The following TIPARP variants were observed in gnomAD, a reference collection of about 807,000 sequenced individuals.
TIPARP encodes the protein protein mono-ADP-ribosyltransferase TIPARP.
Under a neutral mutation model 56.5 loss-of-function variants are expected in TIPARP, and 12 were observed. The ratio of observed to expected loss-of-function variants is 0.21; its 90% confidence interval spans 0.14 to 0.34. The LOEUF (loss-of-function observed/expected upper bound fraction) is 0.34. Ranked by LOEUF, TIPARP falls within the 10% of genes least tolerant of loss-of-function variation. The pLI, the probability that TIPARP is intolerant of heterozygous loss-of-function variation, is 1.00. For missense variants in TIPARP, 604 were observed against 781.6 expected (o/e 0.77, Z 2.71); for synonymous variants, 296 against 265.7 (o/e 1.11, Z -1.11).
intron 2 of TIPARP, among the ~76,000 whole-genome samples, chr3:156,682,958 A>T (rs1577035325): frequency 6.6e-6 from 1 of 152,198 alleles, no homozygotes; most frequent in Non-Finnish European, 1.5e-5. Context: ...AATAAAACTA[A>T]TTGGCTTCTG....
Position 156,694,115 on chromosome 3 carries a change from A to G in TIPARP, c.1013A>G (p.Asn338Ser), listed in dbSNP as rs148252230. Residue 338 changes from asparagine to serine, a missense_variant, in exon 3 of 6, where the codon AAT becomes AGT. Physicochemically the swap from Asn to Ser is conservative, Grantham distance 46. This residue lies in a region of TIPARP where 252 missense variants were observed against 303.9 expected (regional missense o/e 0.83). Transcript: ENST00000295924. ...LRRLSTPPSSNVNSIYHTVWK... is the reference protein window; with the variant it reads ...LRRLSTPPSSSVNSIYHTVWK... ...AGGCTGTCCACACCACCCTCTAGCA[A>G]TGTCAACTCTATTTACCACACAGTC... 2.0e-5 allele frequency: 32 copies of G among 1,613,484 alleles called. No individual in the cohort carries two copies. In the African/African-American group the frequency reaches 3.1e-4, roughly 15 times the overall value.
At position 156,705,222 on chromosome 3, in the gene TIPARP, T is replaced by C. The variant is rs1722952119; in HGVS notation, c.*91T>C. 4.9e-6 allele frequency: 4 copies of C among 820,594 alleles called. No individual in the cohort carries two copies. The South Asian group carries it at 6.8e-5, about 14-fold the overall frequency. 50.8% of individuals were successfully genotyped at this position (820,594 alleles called of 1,614,324 possible). A position where few individuals can be genotyped will look rare whatever the true frequency, so the allele number is the denominator to read the frequency against. ...GGGTGGGACTGGGTGGGGAACAGCA[T>C]TGGACATTAATAGGGCACTTTTCAG... On this transcript the variant is annotated 3_prime_UTR_variant, in exon 6 of 6. Coordinates refer to ENST00000295924, the MANE Select transcript of TIPARP (RefSeq NM_015508.5).
At chr3:156,683,098 T>A (rs967410921) in intron 2 of TIPARP, among the ~76,000 whole-genome samples, 1 of 152,200 alleles carries the variant, frequency 6.6e-6, no homozygotes, top group Admixed American at 6.5e-5. Context: ...AGCTGCCACC[T>A]GGCTTCAGGT....
intron 2 of TIPARP, among the ~76,000 whole-genome samples, chr3:156,681,903 G>A (rs562416406): frequency 1.3e-3 from 191 of 151,660 alleles, no homozygotes; most frequent in Non-Finnish European, 2.2e-3. Flanking sequence ...CAAATATACA[G>A]TTGAGAAACA....
intron 2 of TIPARP, among the ~76,000 whole-genome samples, chr3:156,682,796 A>G (rs1213039648): frequency 6.6e-6 from 1 of 152,212 alleles, no homozygotes. Context: ...ATGAGTTTAA[A>G]TTTATTTTAA....
chr3:156,699,388 A>G (rs912846438), intron 4 of TIPARP, among the ~76,000 whole-genome samples: 4 of 152,208 alleles, frequency 2.6e-5, no homozygotes, highest in Admixed American at 2.0e-4. Context: ...TGCCACCTCA[A>G]CCTTCAGCAA....
chr3:156,696,996 G>A lies in TIPARP; in HGVS notation c.1247+971G>A, dbSNP rs7615443. The stretch of plus-strand genomic sequence containing the variant: ...TAATCCCATGTTTGGAAGGGGAACA[G>A]TAAAAACAAAATACAAATAAAAATC... On this transcript the variant is annotated intron_variant, in intron 4 of 5. Coordinates refer to ENST00000295924, the MANE Select transcript of TIPARP (RefSeq NM_015508.5). Among the ~76,000 whole-genome samples the A allele has an allele frequency of 1.5e-3, 234 of 152,210 alleles. 2 individuals are homozygous for A. Among genetic ancestry groups the A allele is most frequent in the African/African-American group, 5.4e-3 (226 of 41,534 alleles).
In TIPARP at chr3:156,704,990, T is replaced by G. The variant is rs753977476; in HGVS notation, c.1833T>G (p.Pro611=). The G allele has an allele frequency of 5.6e-6, 9 of 1,614,244 alleles. No individual in the cohort carries two copies. The Admixed American group carries it at 1.3e-4, about 24-fold the overall frequency. ...TGAGAAGGCCCCCGCCAGTCAATCC[T>G]GGCAGTGTCACCAGTGACCTTTATG... is the stretch of plus-strand genomic sequence containing the variant. The part of the protein sequence containing the change: ...HGMRRPPPVN[P]GSVTSDLYDS... The change falls in exon 6 of 6, where the codon CCT becomes CCG. Residue 611 remains proline, a synonymous_variant. Coordinates refer to ENST00000295924, the MANE Select transcript of TIPARP (RefSeq NM_015508.5).
intron 4 of TIPARP, among the ~76,000 whole-genome samples, chr3:156,699,646 T>C (rs1167109164): frequency 6.6e-6 from 1 of 152,256 alleles, no homozygotes; most frequent in Non-Finnish European, 1.5e-5. Flanking sequence ...TTTATTGTGA[T>C]ATTTGCTTTA....
chr3:156,678,968 C>T (rs1387412179), intron 2 of TIPARP, among the ~76,000 whole-genome samples: 1 of 152,174 alleles, frequency 6.6e-6, no homozygotes, highest in African/African-American at 2.4e-5. Flanking sequence ...AATAATGAAT[C>T]TCCTAATTTA....
intron 2 of TIPARP, among the ~76,000 whole-genome samples, chr3:156,686,491 T>C (rs1265085747): frequency 6.6e-6 from 1 of 152,234 alleles, no homozygotes; most frequent in Non-Finnish European, 1.5e-5. Context: ...GTTGCTTGTA[T>C]GCATTCAAAT....
At chr3:156,687,245 A>G (rs956375308) in intron 2 of TIPARP, among the ~76,000 whole-genome samples, 13 of 152,338 alleles carry the variant, frequency 8.5e-5, no homozygotes, top group Middle Eastern at 3.4e-3. Flanking sequence ...CTAAACTTGA[A>G]TAAAAGTTAA....
chr3:156,703,293 T>A, intron 4 of TIPARP, 131 bp from the exon 5 acceptor site: 1 of 984,838 alleles, frequency 1.0e-6, no homozygotes, highest in Non-Finnish European at 1.4e-6. Context: ...AGATAGCATT[T>A]TTTACTTTTA....
chr3:156,703,717 T>TG lies in TIPARP; in HGVS notation c.1526+16dup, dbSNP rs1253454992. ...AAATATAAAAGGTGAGTCAGATGTA[T>TG]GAAAAGTTCAAGACGGCCGGGCGCA... is the stretch of plus-strand genomic sequence containing the variant. On this transcript the variant is annotated intron_variant, in intron 5 of 5. Coordinates refer to ENST00000295924, the MANE Select transcript of TIPARP (RefSeq NM_015508.5). 5.0e-6 allele frequency: 8 copies of TG among 1,601,650 alleles called. No homozygotes were observed. The highest frequency in any genetic ancestry group is 6.8e-6 in the Non-Finnish European group (8 of 1,176,960).
In TIPARP at chr3:156,678,385, T is replaced by C. The variant is rs775263976; in HGVS notation, c.688T>C (p.Leu230=). Residue 230 remains leucine (L), a synonymous_variant, in exon 2 of 6, where the codon TTG becomes CTG. Coordinates refer to ENST00000295924, the MANE Select transcript of TIPARP (RefSeq NM_015508.5). The stretch of plus-strand genomic sequence containing the variant: ...CCTCGTGTTTGAGCTGGTGAACCAG[T>C]TGCAGTACCACACTCACCAAGAGAA... ...LDLVFELVNQ[L]QYHTHQENGI... 8.7e-6 allele frequency: 14 copies of C among 1,614,214 alleles called. No homozygotes were observed. In the South Asian group the frequency reaches 1.4e-4, roughly 16 times the overall value.
intron 2 of TIPARP, among the ~76,000 whole-genome samples, chr3:156,687,111 TA>T (rs1451702694): frequency 6.6e-6 from 1 of 152,214 alleles, no homozygotes; most frequent in Admixed American, 6.5e-5. Flanking sequence ...TACCAATTTA[TA>T]AAAACTAACC....
Position 156,687,298 on chromosome 3 carries a change from T to C in TIPARP, c.918-6722T>C, listed in dbSNP as rs114203810. Among the ~76,000 whole-genome samples, 439 of 152,298 alleles carry C rather than the reference T, an allele frequency of 2.9e-3. 1 individual carries two copies. Among genetic ancestry groups the C allele is most frequent in the African/African-American group, 0.01 (425 of 41,562 alleles). ...GGTACCTTCATGATGCAAAATTTAA[T>C]CCCACACTACCATAAATAGATGGCA... is the stretch of plus-strand genomic sequence containing the variant. On this transcript the variant is annotated intron_variant, in intron 2 of 5. Coordinates refer to ENST00000295924, the MANE Select transcript of TIPARP (RefSeq NM_015508.5).
chr3:156,701,372 A>G (rs766131257), intron 4 of TIPARP, among the ~76,000 whole-genome samples: 6 of 152,230 alleles, frequency 3.9e-5, no homozygotes, highest in Admixed American at 1.3e-4. Context: ...ACAGGCTGAC[A>G]GTCTAAAACC....
intron 3 of TIPARP, among the ~76,000 whole-genome samples, 200 bp from the exon 4 acceptor site, chr3:156,695,665 T>A (rs949999418): frequency 6.6e-6 from 1 of 152,038 alleles, no homozygotes; most frequent in African/African-American, 2.4e-5. Context: ...ATCCATGCCT[T>A]ATGAACAGGG....
Sources: gnomAD v4.1 joint callset for allele counts (sites outside exome capture counted in the v4.1 genomes callset) on GRCh38, gnomAD v4.1.1 for gene constraint, gnomAD v4.1.1 regional missense constraint, MANE v1.5 for transcripts, NCBI Gene and HGNC (gene_info 2026-07-23, HGNC 2026-07-21) for gene names.